GSN: variants seen among roughly 807,000 people sequenced by gnomAD.
GSN encodes the protein actin-depolymerizing factor.
In GSN, 56 loss-of-function variants were observed where a neutral mutation model predicts 85.7. The ratio of observed to expected loss-of-function variants is 0.65; its 90% CI spans 0.53 to 0.82. The LOEUF (loss-of-function observed/expected upper bound fraction) is 0.82, where lower values mean the gene tolerates loss of function less well. Ranked by LOEUF, GSN falls within the 40% of genes least tolerant of loss-of-function variation. The pLI is 0.00. For synonymous variants in GSN, 373 were observed against 399.1 expected (o/e 0.93, Z 0.78); for missense variants, 857 against 979.8 (o/e 0.87, Z 1.67).
At chr9:121,201,804 C>T in the GSN span, 2 of 152,428 alleles carry the variant, frequency 1.3e-5, no homozygotes, top group East Asian at 1.9e-4. Flanking sequence ...GCAGTAGCGG[C>T]AGTAGCAGTG....
rs1041099846 is a variant in GSN at position 121,299,222 on chromosome 9, T to G, written c.-9-2741T>G. ...AAGTAGGAGGGGCTATCCCAGGAGCTGAGCGTTCTGCCCCGCCCCTCTGAG... is the reference window on the plus strand; with the variant it reads ...AAGTAGGAGGGGCTATCCCAGGAGCGGAGCGTTCTGCCCCGCCCCTCTGAG... On this transcript the variant is annotated intron_variant, in intron 2 of 17. Transcript: ENST00000432226. This position sits in a 1 kb window ranked among gnomAD's most constrained non-coding sequence, Gnocchi z 4.2. 2 of 726,734 alleles carry G rather than the reference T, an allele frequency of 2.8e-6. No homozygotes were observed. The highest frequency in any genetic ancestry group is 3.8e-5 in the African/African-American group (2 of 52,354). The allele number at this position is 726,734 out of a possible 1,614,324, so 45.0% of individuals were successfully genotyped here.
In GSN at chr9:121,329,317, TG is replaced by T; in HGVS notation, c.1965+5del. The T allele has an allele frequency of 6.4e-7, 1 of 1,571,180 alleles. No individual in the cohort carries two copies. The highest frequency in any genetic ancestry group is 8.8e-7 in the Non-Finnish European group (1 of 1,140,934). On this transcript the variant is annotated splice_donor_region_variant and intron_variant, in intron 16 of 17. Transcript: ENST00000432226. The surrounding 1 kb of genome is among the most constrained non-coding windows in gnomAD (Gnocchi z 4.6). ...ATGCTTCTGGACACCTGGGACCAGGTGGGTGAAGGACAGGTGAAGGCTCTCT... is the reference window on the plus strand; with the variant it reads ...ATGCTTCTGGACACCTGGGACCAGGTGGTGAAGGACAGGTGAAGGCTCTCT...
intron 2 of GSN, among the ~76,000 whole-genome samples, chr9:121,291,400 A>G (rs2058669327): frequency 6.8e-6 from 1 of 146,440 alleles, no homozygotes; most frequent in Non-Finnish European, 1.5e-5. Flanking sequence ...ATTCTCTGAT[A>G]TGTCTCCCCA....
intron 6 of GSN, among the ~76,000 whole-genome samples, chr9:121,253,555 G>C (rs920008923): frequency 3.3e-5 from 5 of 152,204 alleles, no homozygotes; most frequent in Non-Finnish European, 7.4e-5. Flanking sequence ...TCACGGGACA[G>C]GTTCATCTCG....
chr9:121,222,901 G>C (rs1055366462), intron 4 of GSN: 1 of 152,078 alleles, frequency 6.6e-6, no homozygotes, highest in Non-Finnish European at 1.5e-5. Flanking sequence ...ACTTGGGGGG[G>C]GGTCTTACAC....
chr9:121,257,302 A>C (rs945109576), intron 6 of GSN, among the ~76,000 whole-genome samples: 1 of 152,240 alleles, frequency 6.6e-6, no homozygotes, highest in Non-Finnish European at 1.5e-5. Context: ...TAAATATTAC[A>C]CATACATTTT....
chr9:121,326,926 CA>C (rs1217254913), intron 13 of GSN: 1 of 691,490 alleles, frequency 1.4e-6, no homozygotes, highest in African/African-American at 1.8e-5. Context: ...CCATTCTGTA[CA>C]ATCAGCATGC....
intron 1 of GSN, among the ~76,000 whole-genome samples, chr9:121,270,221 G>T (rs1016299460): frequency 3.3e-5 from 5 of 152,176 alleles, no homozygotes; most frequent in African/African-American, 1.2e-4. Context: ...GTGGGAGGTT[G>T]AGAATCTAAA....
chr9:121,289,659 C>G (rs1322968824), intron 2 of GSN, among the ~76,000 whole-genome samples: 3 of 152,138 alleles, frequency 2.0e-5, no homozygotes, highest in Non-Finnish European at 4.4e-5. Context: ...CCCAGTAGCC[C>G]GGTGAGGAGA....
intron 4 of GSN, among the ~76,000 whole-genome samples, chr9:121,218,477 A>G (rs944257060): frequency 2.0e-5 from 3 of 152,192 alleles, no homozygotes; most frequent in Non-Finnish European, 2.9e-5. Flanking sequence ...ACTACTAAAA[A>G]TACAAAAATG....
chr9:121,280,889 A>C (rs2057283768), intron 1 of GSN: 1 of 151,770 alleles, frequency 6.6e-6, no homozygotes, highest in Non-Finnish European at 1.5e-5. Context: ...CTTAAATGCA[A>C]ATGGGATTTT....
upstream of GSN, among the ~76,000 whole-genome samples, chr9:121,266,488 A>G (rs1286761470): frequency 6.6e-6 from 1 of 152,132 alleles, no homozygotes; most frequent in East Asian, 1.9e-4. Context: ...AGTAGCAGAG[A>G]TGGTGTGAGC....
chr9:121,262,022 C>T (rs937439220), intron 6 of GSN, among the ~76,000 whole-genome samples: 4 of 152,182 alleles, frequency 2.6e-5, no homozygotes, highest in African/African-American at 9.7e-5. Context: ...TTCTAAAGCA[C>T]AGCAGTTCAC....
chr9:121,312,798 T>C (rs574797225), intron 6 of GSN: 2 of 192,406 alleles, frequency 1.0e-5, no homozygotes, highest in East Asian at 1.4e-4. Context: ...AGGCTAACTT[T>C]TGAATTTTTT....
chr9:121,252,819 A>G (rs2054868569), intron 6 of GSN, among the ~76,000 whole-genome samples: 1 of 152,236 alleles, frequency 6.6e-6, no homozygotes, highest in Non-Finnish European at 1.5e-5. Flanking sequence ...TTACTATAAT[A>G]TAACCTAACT....
At chr9:121,205,994 C>A (rs2053875274), upstream of GSN, among the ~76,000 whole-genome samples, 1 of 151,280 alleles carries the variant, frequency 6.6e-6, no homozygotes, top group Admixed American at 6.6e-5. Flanking sequence ...TCCCCCCTAC[C>A]CCTATGCTTG....
At chr9:121,322,180 A>G (rs775094316) in intron 11 of GSN, among the ~76,000 whole-genome samples, 1 of 152,104 alleles carries the variant, frequency 6.6e-6, no homozygotes, top group East Asian at 1.9e-4. Flanking sequence ...CTTCTTGGGT[A>G]ACTGCTTTAC....
chr9:121,210,163 G>A (rs894173790), intron 2 of GSN: 4 of 152,178 alleles, frequency 2.6e-5, no homozygotes, highest in African/African-American at 9.7e-5. Flanking sequence ...TATCACAAAG[G>A]TGTGCTTCTT....
upstream of GSN, among the ~76,000 whole-genome samples, chr9:121,264,178 G>C (rs1048705967): frequency 6.6e-6 from 1 of 152,156 alleles, no homozygotes; most frequent in African/African-American, 2.4e-5. Context: ...ATTTGGCCAG[G>C]TGTGATGGCT....
Sources: gnomAD v4.1 joint callset for allele counts (sites outside exome capture counted in the v4.1 genomes callset) on GRCh38, gnomAD v4.1.1 for gene constraint, Gnocchi (gnomAD v3.1) non-coding constraint, MANE v1.5 for transcripts, NCBI Gene and HGNC (gene_info 2026-07-23, HGNC 2026-07-21) for gene names.